AGBL2: variants seen among roughly 807,000 people sequenced by gnomAD.
AGBL2 encodes AGBL carboxypeptidase 2.
A neutral mutation model predicts 103.0 loss-of-function variants in AGBL2; 87 were observed. That is an observed-to-expected ratio of 0.84 (90% confidence interval 0.71 to 1.01). The LOEUF (loss-of-function observed/expected upper bound fraction) is 1.01. AGBL2 is among the 50% of genes least tolerant of loss of function. The pLI is 0.00. For synonymous variants in AGBL2, 335 were observed against 356.7 expected, an observed-to-expected ratio of 0.94 and a Z score of 0.69; for missense variants, 904 against 1,023.5, an observed-to-expected ratio of 0.88 and a Z score of 1.59.
chr11:47,705,957 C>A (rs773793071), intron 4 of AGBL2, 40 bp from the exon 5 acceptor site: 4 of 1,569,268 alleles, frequency 2.5e-6, no homozygotes, highest in Non-Finnish European at 3.5e-6. Flanking sequence ...TGTCAGGGAT[C>A]GTTGTCTTCT....
chr11:47,713,344 CAAAAAAA>C (rs71045506), intron 3 of AGBL2, among the ~76,000 whole-genome samples: 2 of 55,596 alleles, frequency 3.6e-5, no homozygotes, highest in Non-Finnish European at 7.1e-5. Flanking sequence ...GACTCTATCG[CAAAAAAA>C]AAAAAAAAAA....
At position 47,699,434 on chromosome 11, in the gene AGBL2, TA is replaced by T; in HGVS notation, c.694+11del. 2 of 1,336,864 alleles carry T rather than the reference TA, an allele frequency of 1.5e-6. No individual in the cohort carries two copies. The highest frequency in any genetic ancestry group is 2.1e-6 in the Non-Finnish European group (2 of 937,778). The allele number at this position is 1,336,864 out of a possible 1,614,324, so 82.8% of individuals were successfully genotyped here. A position where few individuals can be genotyped will look rare whatever the true frequency, so the allele number is the denominator to read the frequency against. On this transcript the variant is annotated intron_variant, in intron 8 of 18. Coordinates refer to ENST00000525123, the MANE Select transcript of AGBL2 (RefSeq NM_024783.4). Reference sequence around the variant, plus strand: ...ATGATTAACCATTCATTGTTCAGTGTAATGACAATACCTGAATCTAATTGAT... The same window carrying T: ...ATGATTAACCATTCATTGTTCAGTGTATGACAATACCTGAATCTAATTGAT...
intron 10 of AGBL2, among the ~76,000 whole-genome samples, chr11:47,688,831 G>C (rs1436349439): frequency 2.0e-5 from 3 of 152,084 alleles, no homozygotes; most frequent in Non-Finnish European, 4.4e-5. Flanking sequence ...TGCCTCCCAG[G>C]TTCAAGTGAT....
chr11:47,708,742 A>AGGC (rs2097528628), intron 4 of AGBL2, among the ~76,000 whole-genome samples: 2 of 151,564 alleles, frequency 1.3e-5, no homozygotes, highest in African/African-American at 4.8e-5. Context: ...TGAAGCCAGG[A>AGGC]GGCGGAGGTT....
chr11:47,692,056 C>T, intron 9 of AGBL2, 47 bp downstream of exon 9: 3 of 1,541,590 alleles, frequency 1.9e-6, no homozygotes, highest in South Asian at 1.2e-5. Flanking sequence ...ACTGAAGACA[C>T]CTTCTAGTCA....
intron 14 of AGBL2, among the ~76,000 whole-genome samples, chr11:47,676,751 G>A (rs1204168484): frequency 2.0e-5 from 3 of 151,316 alleles, no homozygotes; most frequent in Non-Finnish European, 2.9e-5. Context: ...CCCGGAAGGC[G>A]GAGCTTGCGG....
Position 47,662,878 on chromosome 11 carries a change from A to G in AGBL2, c.2535+148T>C, listed in dbSNP as rs1355471344. The G allele has an allele frequency of 1.0e-5, 7 of 693,276 alleles. No homozygotes were observed. In the East Asian group the frequency reaches 1.7e-4, roughly 17 times the overall value. The allele number at this position is 693,276 out of a possible 1,614,324, so 42.9% of individuals were successfully genotyped here. ...GGTAACTGTAGCCTGAGGGTGCAAA[A>G]TGCCTTAGATGTTCACCTGCGCAGA... is the stretch of plus-strand genomic sequence containing the variant. On this transcript the variant is annotated intron_variant, in intron 18 of 18. Transcript: ENST00000525123.
chr11:47,665,726 T>G (rs1598891923), intron 17 of AGBL2, among the ~76,000 whole-genome samples: 1 of 152,012 alleles, frequency 6.6e-6, no homozygotes, highest in South Asian at 2.1e-4. Context: ...AGTGTTGGGT[T>G]TGGCCAGGCG....
At chr11:47,699,361 T>G in intron 8 of AGBL2, 85 bp downstream of exon 8, 1 of 813,282 alleles carries the variant, frequency 1.2e-6, no homozygotes, top group Non-Finnish European at 1.9e-6. Context: ...AACTATGGAT[T>G]TTTAAAATCA....
chr11:47,677,252 T>G lies in AGBL2; in HGVS notation c.2147+19A>C, dbSNP rs769564263. On this transcript the variant is annotated intron_variant, in intron 14 of 18. Transcript: ENST00000525123. ...CAAAGTATTTAAAAAAAAACAAAACTCTGTTTTTTCTTTGTTACCTGGATT... is the reference window on the plus strand; with the variant it reads ...CAAAGTATTTAAAAAAAAACAAAACGCTGTTTTTTCTTTGTTACCTGGATT... 6.3e-7 allele frequency: 1 copy of G among 1,574,856 alleles called. No individual in the cohort carries two copies. The highest frequency in any genetic ancestry group is 8.6e-7 in the Non-Finnish European group (1 of 1,164,022).
chr11:47,677,118 C>T (rs1420241748), intron 14 of AGBL2, among the ~76,000 whole-genome samples, 153 bp downstream of exon 14: 1 of 152,122 alleles, frequency 6.6e-6, no homozygotes, highest in Non-Finnish European at 1.5e-5. Flanking sequence ...GGTGATCCTC[C>T]CACCTCAGCC....
intron 10 of AGBL2, among the ~76,000 whole-genome samples, chr11:47,686,446 G>GTTTTTTTTTT (rs1565044623): frequency 7.8e-6 from 1 of 128,060 alleles, no homozygotes; most frequent in African/African-American, 2.8e-5. Flanking sequence ...TTTTGTTTCT[G>GTTTTTTTTTT]GTTTTTTTTT....
intron 8 of AGBL2, among the ~76,000 whole-genome samples, chr11:47,693,118 C>T (rs1361255482): frequency 6.6e-6 from 1 of 152,074 alleles, no homozygotes; most frequent in African/African-American, 2.4e-5. Context: ...TTGCATCCTG[C>T]AGATACCTGT....
chr11:47,686,823 G>C (rs1201308130), intron 10 of AGBL2, among the ~76,000 whole-genome samples: 2 of 151,878 alleles, frequency 1.3e-5, no homozygotes, highest in Non-Finnish European at 2.9e-5. Context: ...GCTAGGTGTT[G>C]TGGTGCATAC....
intron 4 of AGBL2, among the ~76,000 whole-genome samples, chr11:47,709,689 A>C (rs1478347614): frequency 6.6e-6 from 1 of 150,622 alleles, no homozygotes; most frequent in Non-Finnish European, 1.5e-5. Flanking sequence ...CCAGGTTCAC[A>C]CAATCCTCCT....
intron 14 of AGBL2, among the ~76,000 whole-genome samples, chr11:47,669,928 G>C (rs2097352361): frequency 6.6e-6 from 1 of 152,174 alleles, no homozygotes. Flanking sequence ...AAGAATTCTT[G>C]ACAAGCACAT....
intron 4 of AGBL2, among the ~76,000 whole-genome samples, chr11:47,706,909 A>T (rs913835409): frequency 6.8e-6 from 1 of 146,530 alleles, no homozygotes; most frequent in African/African-American, 2.5e-5. Flanking sequence ...AAAAAAAAAA[A>T]AAAAGAATTA....
At chr11:47,714,401 C>T (rs1000824160) in intron 2 of AGBL2, 54 bp from the exon 3 acceptor site, 1 of 1,548,420 alleles carries the variant, frequency 6.5e-7, no homozygotes, top group Non-Finnish European at 8.9e-7. Flanking sequence ...CCATAATAGA[C>T]TCAACAAAAA....
intron 8 of AGBL2, 28 bp downstream of exon 8, chr11:47,699,418 C>A: frequency 8.8e-7 from 1 of 1,136,354 alleles, no homozygotes; most frequent in Admixed American, 2.1e-5. Flanking sequence ...CATGATTAAC[C>A]ATTCATTGTT....
Sources: allele counts gnomAD v4.1 joint callset (sites outside exome capture counted in the v4.1 genomes callset), GRCh38; gene constraint gnomAD v4.1.1; transcripts MANE v1.5; gene names NCBI Gene and HGNC (gene_info 2026-07-23, HGNC 2026-07-21).